The following RCC1L variants were observed in gnomAD, a reference collection of about 807,000 sequenced individuals.
RCC1L encodes RCC1 like, also known as RCC1-like G exchanging factor-like protein.
In RCC1L, 46 loss-of-function variants were observed where a neutral mutation model predicts 58.6. The observed-to-expected ratio is 0.79, with a 90% CI of 0.62 to 1.00. The LOEUF (loss-of-function observed/expected upper bound fraction) is 1.00. Ranked by LOEUF, RCC1L falls within the 50% of genes least tolerant of loss-of-function variation. The probability of loss-of-function intolerance (pLI) is 0.00; values close to 1 mark genes in which losing one functional copy is unlikely to be tolerated. For synonymous variants in RCC1L, 281 were observed against 262.9 expected, an observed-to-expected ratio of 1.07 and a Z score of -0.67; for missense variants, 636 against 623.6, an observed-to-expected ratio of 1.02 and a Z score of -0.21.
chr7:75,060,978 G>A (rs1202524310), intron 6 of RCC1L, among the ~76,000 whole-genome samples: 5 of 152,128 alleles, frequency 3.3e-5, no homozygotes, highest in African/African-American at 4.8e-5. Flanking sequence ...GGAGACTGTG[G>A]TGGGAGGATC....
At chr7:75,063,567 T>C (rs1178422102) in intron 4 of RCC1L, among the ~76,000 whole-genome samples, 14 of 152,134 alleles carry the variant, frequency 9.2e-5, no homozygotes, top group Admixed American at 2.6e-4. Flanking sequence ...TTGAGAGTGG[T>C]GTTAAGGCCC....
At chr7:75,058,003 CAA>C (rs1806134545) in intron 7 of RCC1L, 1 of 311,164 alleles carries the variant, frequency 3.2e-6, no homozygotes. Flanking sequence ...ATTAAAAATA[CAA>C]AAGTTAGCTG....
chr7:75,068,984 C>G (rs1402316182), intron 2 of RCC1L, among the ~76,000 whole-genome samples: 1 of 151,826 alleles, frequency 6.6e-6, no homozygotes, highest in Non-Finnish European at 1.5e-5. Context: ...TTCTCCTGCC[C>G]CAGCCTCCCG....
chr7:75,041,764 T>C (rs1805572478), downstream of RCC1L, among the ~76,000 whole-genome samples: 1 of 149,072 alleles, frequency 6.7e-6, no homozygotes, highest in Non-Finnish European at 1.5e-5. Flanking sequence ...CTCGGGAGGC[T>C]GAGGCAGGAG....
chr7:75,057,635 C>A lies in RCC1L; in HGVS notation c.970-19G>T, dbSNP rs1806124109. On this transcript the variant is annotated intron_variant, in intron 7 of 10. Coordinates refer to ENST00000610322, the MANE Select transcript of RCC1L (RefSeq NM_030798.5). Reference sequence around the variant, plus strand: ...CATTCACCTGAACCAAAGAAAGGAGCCACACTGTTAGGAAAGCAAGCCAGT... The same window carrying A: ...CATTCACCTGAACCAAAGAAAGGAGACACACTGTTAGGAAAGCAAGCCAGT... The A allele has an allele frequency of 4.3e-6, 7 of 1,613,090 alleles. No individual in the cohort carries two copies. The highest frequency in any genetic ancestry group is 1.6e-4 in the Middle Eastern group (1 of 6,078).
chr7:75,045,808 C>T (rs1805703152), intron 10 of RCC1L, among the ~76,000 whole-genome samples: 1 of 152,256 alleles, frequency 6.6e-6, no homozygotes, highest in South Asian at 2.1e-4. Context: ...GCCGCTGCAC[C>T]TGGCCTTCTC....
intron 3 of RCC1L, among the ~76,000 whole-genome samples, chr7:75,066,295 C>T (rs35909087): frequency 0.53 from 80,631 of 151,430 alleles, 23,076 homozygotes; most frequent in East Asian, 0.88. Context: ...ACTAAAAATA[C>T]AAAAAATTAG....
chr7:75,070,070 C>G (rs1184652427), intron 2 of RCC1L, among the ~76,000 whole-genome samples: 4 of 152,022 alleles, frequency 2.6e-5, no homozygotes, highest in African/African-American at 9.7e-5. Flanking sequence ...TGTCTCCAAG[C>G]CAGGAAAAAA....
At chr7:75,057,895 C>G (rs891918555) in intron 7 of RCC1L, 103 of 430,444 alleles carry the variant, frequency 2.4e-4, no homozygotes, top group African/African-American at 2.0e-3. Flanking sequence ...TGGTGGCTCA[C>G]GCCTGTAATC....
At chr7:75,027,610 G>A (rs920215320) in exon 11 of RCC1L, 2 of 198,176 alleles carry the variant, frequency 1.0e-5, no homozygotes, top group Non-Finnish European at 2.1e-5. Flanking sequence ...AAAAGCATGT[G>A]TGTCGGGGCG....
At chr7:75,038,046 GT>G (rs1442458884), downstream of RCC1L, among the ~76,000 whole-genome samples, 1 of 152,234 alleles carries the variant, frequency 6.6e-6, no homozygotes. Context: ...GAAAGCAAGT[GT>G]GGGGTCCTGG....
At chr7:75,069,928 C>T (rs1402265256) in intron 2 of RCC1L, among the ~76,000 whole-genome samples, 1 of 152,106 alleles carries the variant, frequency 6.6e-6, no homozygotes, top group Non-Finnish European at 1.5e-5. Flanking sequence ...TTTTAAAATG[C>T]CATTATAAGT....
At chr7:75,058,848 G>T in intron 6 of RCC1L, 79 bp from the exon 7 acceptor site, 1 of 1,554,370 alleles carries the variant, frequency 6.4e-7, no homozygotes, top group Non-Finnish European at 8.8e-7. Flanking sequence ...TATGCCAAGT[G>T]CAGTTTTAAG....
In RCC1L at chr7:75,043,078, G is replaced by T; in HGVS notation, c.1349C>A (p.Ala450Glu). ...GGTCACCATGTGGTCCACGCCACAT[G>T]CCACGTCCACAGGCTCCCCAGGCAT... ...VTMPGEPVDV[A>E]CGVDHMVTLA... The change falls in exon 11 of 11, where the codon GCA becomes GAA. Residue 450 changes from alanine (A) to glutamate (E), a missense_variant. By Grantham distance (107) the Ala-to-Glu change is moderately radical (BLOSUM62 -1). Coordinates refer to ENST00000610322, the MANE Select transcript of RCC1L (RefSeq NM_030798.5). 1 of 1,614,046 alleles carries T rather than the reference G, an allele frequency of 6.2e-7. No homozygotes were observed. Among genetic ancestry groups the T allele is most frequent in the South Asian group, 1.1e-5 (1 of 91,080 alleles).
Position 75,042,247 on chromosome 7 carries a change from G to A in RCC1L, c.*785C>T, listed in dbSNP as rs1805588143. The A allele has an allele frequency of 1.0e-6, 1 of 985,458 alleles. No homozygotes were observed. The highest frequency in any genetic ancestry group is 6.1e-5 in the Admixed American group (1 of 16,272). The allele number at this position is 985,458 out of a possible 1,614,324, so 61.0% of individuals were successfully genotyped here. ...CAGATTTGTAAAAGATGTTTTTAAA[G>A]GGAAAGGCAAGTCACGCTACTAAAT... is the stretch of plus-strand genomic sequence containing the variant. On this transcript the variant is annotated 3_prime_UTR_variant, in exon 11 of 11. Transcript: ENST00000610322.
chr7:75,040,391 C>G (rs969762517), downstream of RCC1L, among the ~76,000 whole-genome samples: 1 of 152,134 alleles, frequency 6.6e-6, no homozygotes, highest in Non-Finnish European at 1.5e-5. Context: ...ACCCAGGAGG[C>G]GGAGGTTGCA....
At chr7:75,045,094 A>C (rs1554442671) in intron 10 of RCC1L, among the ~76,000 whole-genome samples, 1 of 152,038 alleles carries the variant, frequency 6.6e-6, no homozygotes, top group Non-Finnish European at 1.5e-5. Flanking sequence ...CTGCAGGCTT[A>C]ACCTCCTGGG....
At chr7:75,067,632 T>A (rs1253449051) in intron 2 of RCC1L, among the ~76,000 whole-genome samples, 4 of 149,650 alleles carry the variant, frequency 2.7e-5, no homozygotes, top group Admixed American at 6.7e-5. Context: ...GACACTGTTT[T>A]AAAAAAAAAA....
intron 10 of RCC1L, among the ~76,000 whole-genome samples, chr7:75,030,143 A>G (rs1466368249): frequency 6.6e-6 from 1 of 152,180 alleles, no homozygotes; most frequent in African/African-American, 2.4e-5. Flanking sequence ...AAGAGGAGCT[A>G]TGGAAATTGG....
Sources: allele counts gnomAD v4.1 joint callset (sites outside exome capture counted in the v4.1 genomes callset), GRCh38; gene constraint gnomAD v4.1.1; transcripts MANE v1.5; gene names NCBI Gene and HGNC (gene_info 2026-07-23, HGNC 2026-07-21).